The following CPEB3 variants were observed in gnomAD, a reference collection of about 807,000 sequenced individuals.
CPEB3 encodes cytoplasmic polyadenylation element-binding protein 3.
Under a neutral mutation model 67.2 loss-of-function variants are expected in CPEB3, and 20 were observed. The ratio of observed to expected loss-of-function variants is 0.30; its 90% CI spans 0.21 to 0.43. The LOEUF (loss-of-function observed/expected upper bound fraction) is 0.43. Ranked by LOEUF, CPEB3 falls within the 20% of genes least tolerant of loss-of-function variation. The probability of loss-of-function intolerance (pLI) is 1.00; values close to 1 mark genes in which losing one functional copy is unlikely to be tolerated. For synonymous variants in CPEB3, 376 were observed against 393.1 expected (o/e 0.96, Z 0.51); for missense variants, 746 against 968.6 (o/e 0.77, Z 3.05).
At chr10:92,150,311 T>C (rs1475218490) in intron 4 of CPEB3, among the ~76,000 whole-genome samples, 1 of 151,786 alleles carries the variant, frequency 6.6e-6, no homozygotes, top group Admixed American at 6.6e-5. Flanking sequence ...AGGTTGGTCT[T>C]GAACTCCTGG....
chr10:92,248,393 C>T (rs2134759321), intron 1 of CPEB3, among the ~76,000 whole-genome samples: 1 of 152,182 alleles, frequency 6.6e-6, no homozygotes, highest in South Asian at 2.1e-4. Context: ...GGATATGGAA[C>T]CCACAGATAA....
intron 2 of CPEB3, among the ~76,000 whole-genome samples, chr10:92,203,529 T>TATA (rs201587476): frequency 1.6e-4 from 7 of 44,950 alleles, no homozygotes; most frequent in East Asian, 1.1e-3. Flanking sequence ...TATATATATA[T>TATA]TTTTTTTTTA....
chr10:92,289,848 A>G (rs1319525069), intron 1 of CPEB3, among the ~76,000 whole-genome samples: 2 of 125,364 alleles, frequency 1.6e-5, no homozygotes, highest in East Asian at 2.0e-4. Context: ...TAATACAAAT[A>G]TATATAAAAT....
intron 1 of CPEB3, among the ~76,000 whole-genome samples, chr10:92,241,374 T>A (rs1851846862): frequency 6.6e-6 from 1 of 152,160 alleles, no homozygotes; most frequent in Non-Finnish European, 1.5e-5. Context: ...GTCAAGATAA[T>A]TCTGGGGTTG....
intron 7 of CPEB3, among the ~76,000 whole-genome samples, chr10:92,094,685 G>A (rs974387686): frequency 6.6e-6 from 1 of 151,686 alleles, no homozygotes; most frequent in Non-Finnish European, 1.5e-5. Flanking sequence ...TACTACAAAG[G>A]CAGATTCACT....
At chr10:92,171,614 T>C (rs1848004605) in intron 4 of CPEB3, among the ~76,000 whole-genome samples, 2 of 152,144 alleles carry the variant, frequency 1.3e-5, no homozygotes, top group Admixed American at 6.5e-5. Flanking sequence ...TTGTTTGGTA[T>C]GTACTCCTTT....
intron 4 of CPEB3, among the ~76,000 whole-genome samples, chr10:92,165,202 C>T (rs1847678848): frequency 6.6e-6 from 1 of 152,104 alleles, no homozygotes; most frequent in Non-Finnish European, 1.5e-5. Context: ...GCCCCAGCTA[C>T]TTAAGAGGCT....
At chr10:92,157,404 T>A (rs973758795) in intron 4 of CPEB3, among the ~76,000 whole-genome samples, 1 of 152,224 alleles carries the variant, frequency 6.6e-6, no homozygotes, top group African/African-American at 2.4e-5. Flanking sequence ...ACTACAGATA[T>A]GGGAAATGCT....
At chr10:92,115,690 C>T (rs1349886319) in intron 6 of CPEB3, among the ~76,000 whole-genome samples, 1 of 152,048 alleles carries the variant, frequency 6.6e-6, no homozygotes, top group Non-Finnish European at 1.5e-5. Context: ...AACTCAAGAG[C>T]TATGTGAGCA....
At chr10:92,075,374 A>T (rs745494359) in intron 9 of CPEB3, among the ~76,000 whole-genome samples, 1 of 152,184 alleles carries the variant, frequency 6.6e-6, no homozygotes, top group Non-Finnish European at 1.5e-5. Flanking sequence ...CTTATTGCAG[A>T]CTTAAAGGCT....
intron 9 of CPEB3, among the ~76,000 whole-genome samples, chr10:92,054,078 T>C (rs980893485): frequency 6.6e-6 from 1 of 152,226 alleles, no homozygotes; most frequent in African/African-American, 2.4e-5. Flanking sequence ...CATTTGTATA[T>C]CTTCTTTGGA....
chr10:92,217,206 C>CAA (rs1163974877), intron 2 of CPEB3, among the ~76,000 whole-genome samples: 1,138 of 25,648 alleles, frequency 0.044, 156 homozygotes, highest in Non-Finnish European at 0.059. Context: ...GACTCTGCCT[C>CAA]AAAAAAAAAA....
chr10:92,190,682 A>G (rs1848932970), intron 3 of CPEB3, among the ~76,000 whole-genome samples: 1 of 88,346 alleles, frequency 1.1e-5, no homozygotes, highest in Admixed American at 1.1e-4. Flanking sequence ...AAAAAAAAAA[A>G]AAAAAAAAAA....
chr10:92,100,495 C>A (rs184129503), intron 7 of CPEB3, among the ~76,000 whole-genome samples: 1 of 152,134 alleles, frequency 6.6e-6, no homozygotes, highest in Non-Finnish European at 1.5e-5. Context: ...AGGCTGGTCT[C>A]GAACTCCTGA....
At chr10:92,105,951 GGC>G (rs775772635) in intron 7 of CPEB3, among the ~76,000 whole-genome samples, 1 of 151,410 alleles carries the variant, frequency 6.6e-6, no homozygotes, top group Non-Finnish European at 1.5e-5. Context: ...AGAGTGCGAT[GGC>G]GCAATGTCGG....
chr10:92,074,777 C>G (rs562190219), intron 9 of CPEB3, among the ~76,000 whole-genome samples: 33 of 152,232 alleles, frequency 2.2e-4, no homozygotes, highest in African/African-American at 7.9e-4. Context: ...AGTGAAAAGA[C>G]ATGATTAAAT....
At chr10:92,233,436 T>C (rs773379760) in intron 2 of CPEB3, among the ~76,000 whole-genome samples, 4 of 149,612 alleles carry the variant, frequency 2.7e-5, no homozygotes, top group African/African-American at 4.9e-5. Context: ...ACCAGGGAGG[T>C]TGAGGAATGA....
intron 6 of CPEB3, among the ~76,000 whole-genome samples, chr10:92,126,359 T>C (rs1275327014): frequency 2.0e-5 from 3 of 152,146 alleles, no homozygotes; most frequent in African/African-American, 4.8e-5. Context: ...AACTTATCCT[T>C]GCAGTCAAAT....
At chr10:92,229,242 C>T (rs1004019185) in intron 2 of CPEB3, among the ~76,000 whole-genome samples, 2 of 152,086 alleles carry the variant, frequency 1.3e-5, no homozygotes, top group African/African-American at 4.8e-5. Flanking sequence ...CTATGTTGCC[C>T]AAGCTGGTTT....
Sources: allele counts gnomAD v4.1 joint callset (sites outside exome capture counted in the v4.1 genomes callset), GRCh38; gene constraint gnomAD v4.1.1; transcripts MANE v1.5; gene names NCBI Gene and HGNC (gene_info 2026-07-23, HGNC 2026-07-21).